Variants in KATNIP observed in about 807,000 individuals in gnomAD.
KATNIP encodes the protein katanin-interacting protein.
Under a neutral mutation model 174.0 loss-of-function variants are expected in KATNIP, and 126 were observed. The ratio of observed to expected loss-of-function variants is 0.72; its 90% CI spans 0.63 to 0.84. The LOEUF (loss-of-function observed/expected upper bound fraction) is 0.84, where lower values mean the gene tolerates loss of function less well. Ranked by LOEUF, KATNIP falls within the 40% of genes least tolerant of loss-of-function variation. KATNIP has a pLI of 0.00. For synonymous variants in KATNIP, 810 were observed against 835.7 expected (o/e 0.97, Z 0.53); for missense variants, 1,958 against 2,109.7 (o/e 0.93, Z 1.41).
At chr16:27,653,162 T>C (rs1478302255) in intron 6 of KATNIP, among the ~76,000 whole-genome samples, 1 of 152,144 alleles carries the variant, frequency 6.6e-6, no homozygotes, top group Non-Finnish European at 1.5e-5. Flanking sequence ...ATCCAGAATA[T>C]CCTGGACCTG....
chr16:27,706,114 T>C (rs1049832623), intron 12 of KATNIP, among the ~76,000 whole-genome samples: 6 of 151,676 alleles, frequency 4.0e-5, no homozygotes, highest in African/African-American at 1.5e-4. Context: ...CAGCTCGCAC[T>C]GTGTCTTTCC....
intron 5 of KATNIP, among the ~76,000 whole-genome samples, chr16:27,632,084 GTCTTAGA>G (rs1487756658): frequency 1.3e-5 from 2 of 152,234 alleles, no homozygotes; most frequent in Admixed American, 1.3e-4. Context: ...TCAAGAGTCA[GTCTTAGA>G]TCTTTTGCCC....
intron 3 of KATNIP, among the ~76,000 whole-genome samples, chr16:27,622,420 C>T (rs2076223080): frequency 6.6e-6 from 1 of 152,180 alleles, no homozygotes; most frequent in Non-Finnish European, 1.5e-5. Context: ...TCTTGTCACT[C>T]AACCTCATGA....
chr16:27,726,541 T>C (rs773730786), intron 14 of KATNIP, among the ~76,000 whole-genome samples: 4 of 152,164 alleles, frequency 2.6e-5, no homozygotes, highest in Admixed American at 6.5e-5. Context: ...TGAGTCTCAG[T>C]GCTGAGGGTA....
intron 14 of KATNIP, among the ~76,000 whole-genome samples, chr16:27,724,423 T>C (rs2080361671): frequency 6.6e-6 from 1 of 152,230 alleles, no homozygotes; most frequent in South Asian, 2.1e-4. Flanking sequence ...GCTTCATCCC[T>C]TTTGGCCAGG....
chr16:27,761,839 C>G (rs2081966483), intron 19 of KATNIP, among the ~76,000 whole-genome samples: 1 of 152,212 alleles, frequency 6.6e-6, no homozygotes. Context: ...GGTTCCCATG[C>G]TTCCAGACAC....
chr16:27,716,370 A>G (rs2079937540), intron 13 of KATNIP, among the ~76,000 whole-genome samples: 1 of 152,196 alleles, frequency 6.6e-6, no homozygotes, highest in Non-Finnish European at 1.5e-5. Flanking sequence ...ATGTACTGGA[A>G]GAAGATAATG....
chr16:27,621,846 A>G (rs1417238945), intron 3 of KATNIP, among the ~76,000 whole-genome samples: 1 of 151,864 alleles, frequency 6.6e-6, no homozygotes, highest in East Asian at 1.9e-4. Flanking sequence ...TATCGCAAGG[A>G]CAACATCAAG....
At chr16:27,612,074 A>T (rs937277073) in intron 2 of KATNIP, among the ~76,000 whole-genome samples, 3 of 152,162 alleles carry the variant, frequency 2.0e-5, no homozygotes, top group African/African-American at 4.8e-5. Context: ...GAATGGGGCG[A>T]GGTGGGACTC....
intron 1 of KATNIP, among the ~76,000 whole-genome samples, chr16:27,563,891 T>TAAAAAAAA (rs58505514): frequency 1.5e-5 from 1 of 66,680 alleles, no homozygotes; most frequent in Non-Finnish European, 2.5e-5. Context: ...TCTAGTAAAT[T>TAAAAAAAA]AAAAAAAAAA....
At chr16:27,678,553 G>A (rs1222566376) in intron 7 of KATNIP, among the ~76,000 whole-genome samples, 1 of 152,088 alleles carries the variant, frequency 6.6e-6, no homozygotes, top group Non-Finnish European at 1.5e-5. Context: ...AGGCAGAATT[G>A]CCTTTAAATA....
intron 3 of KATNIP, 80 bp downstream of exon 3, chr16:27,618,581 C>A: frequency 1.0e-6 from 1 of 999,448 alleles, no homozygotes; most frequent in Non-Finnish European, 1.6e-6. Context: ...CAGGCAGGCC[C>A]TGCCTCACAT....
At chr16:27,765,944 C>T (rs1265591255) in intron 19 of KATNIP, among the ~76,000 whole-genome samples, 1 of 151,876 alleles carries the variant, frequency 6.6e-6, no homozygotes, top group East Asian at 1.9e-4. Flanking sequence ...TAGCCTTTCC[C>T]ATATATTGAA....
chr16:27,554,028 G>A (rs1047040389), intron 1 of KATNIP, among the ~76,000 whole-genome samples: 1 of 150,414 alleles, frequency 6.6e-6, no homozygotes, highest in African/African-American at 2.4e-5. Flanking sequence ...GGAGAGGAGA[G>A]AGAAAGGAAG....
Position 27,779,197 on chromosome 16 carries a change from T to A in KATNIP, c.*568T>A, listed in dbSNP as rs1597444100. On this transcript the variant is annotated 3_prime_UTR_variant, in exon 28 of 28. Coordinates refer to ENST00000261588, the MANE Select transcript of KATNIP (RefSeq NM_015202.5). ...TGGGGTAGTTTCCTGGTTACAGGGG[T>A]CCACAAGACCCTCTCTCATCCCGGT... 1 of 152,428 alleles carries A rather than the reference T, an allele frequency of 6.6e-6. No individual in the cohort carries two copies. Among genetic ancestry groups the A allele is most frequent in the African/African-American group, 2.4e-5 (1 of 41,430 alleles). The allele number at this position is 152,428 out of a possible 1,614,324, so 9.4% of individuals were successfully genotyped here. A position where few individuals can be genotyped will look rare whatever the true frequency, so the allele number is the denominator to read the frequency against.
At chr16:27,616,975 A>G (rs1427023487) in intron 2 of KATNIP, among the ~76,000 whole-genome samples, 1 of 148,628 alleles carries the variant, frequency 6.7e-6, no homozygotes, top group Non-Finnish European at 1.5e-5. Context: ...GTATCTTTGT[A>G]TATTATAAAC....
At chr16:27,701,202 G>A (rs1443839946) in intron 10 of KATNIP, among the ~76,000 whole-genome samples, 1 of 151,942 alleles carries the variant, frequency 6.6e-6, no homozygotes, top group Non-Finnish European at 1.5e-5. Context: ...CTGTCACCCA[G>A]GCTGGAGTGC....
At chr16:27,730,133 A>G (rs767442232) in intron 14 of KATNIP, among the ~76,000 whole-genome samples, 22 of 152,264 alleles carry the variant, frequency 1.4e-4, no homozygotes, top group Non-Finnish European at 2.6e-4. Flanking sequence ...TCAGGGGAGC[A>G]GCCATGACTC....
chr16:27,594,071 A>G (rs917487687), intron 2 of KATNIP, among the ~76,000 whole-genome samples: 1 of 151,710 alleles, frequency 6.6e-6, no homozygotes, highest in African/African-American at 2.4e-5. Context: ...CCTGGGCAAC[A>G]TGGCAAGGCC....
Sources: allele counts gnomAD v4.1 joint callset (sites outside exome capture counted in the v4.1 genomes callset), GRCh38; gene constraint gnomAD v4.1.1; transcripts MANE v1.5; gene names NCBI Gene and HGNC (gene_info 2026-07-23, HGNC 2026-07-21).